CFAP57: variants seen among roughly 807,000 people sequenced by gnomAD.
CFAP57 encodes cilia- and flagella-associated protein 57.
Under a neutral mutation model 146.8 loss-of-function variants are expected in CFAP57, and 116 were observed. That is an observed-to-expected ratio of 0.79 (90% CI 0.68 to 0.92). The LOEUF (loss-of-function observed/expected upper bound fraction) is 0.92. Ranked by LOEUF, CFAP57 falls within the 40% of genes least tolerant of loss-of-function variation. The pLI, the probability that CFAP57 is intolerant of heterozygous loss-of-function variation, is 0.00. For missense variants in CFAP57, 1,377 were observed against 1,527.2 expected (o/e 0.90, Z 1.64); for synonymous variants, 518 against 552.8 (o/e 0.94, Z 0.88).
intron 9 of CFAP57, among the ~76,000 whole-genome samples, chr1:43,202,504 C>T (rs1015037567): frequency 7.9e-5 from 12 of 152,118 alleles, no homozygotes; most frequent in African/African-American, 1.2e-4. Flanking sequence ...GAAAGGGGTC[C>T]GGGCGCAGTC....
chr1:43,177,443 C>T (rs1645215886), intron 2 of CFAP57, among the ~76,000 whole-genome samples: 3 of 152,026 alleles, frequency 2.0e-5, no homozygotes, highest in Admixed American at 2.0e-4. Flanking sequence ...GATGTGCCTG[C>T]TAGATATTTT....
intron 12 of CFAP57, 86 bp downstream of exon 12, chr1:43,215,502 G>A: frequency 1.4e-6 from 2 of 1,477,902 alleles, no homozygotes; most frequent in Non-Finnish European, 1.8e-6. Context: ...GCCCTCTACA[G>A]CCTGGCTACA....
At chr1:43,200,277 G>C (rs1389350603) in intron 9 of CFAP57, among the ~76,000 whole-genome samples, 2 of 152,086 alleles carry the variant, frequency 1.3e-5, no homozygotes, top group African/African-American at 4.8e-5. Flanking sequence ...CTTGCACTCA[G>C]GAGTTCGAGA....
At chr1:43,232,729 T>C in intron 19 of CFAP57, 105 bp downstream of exon 19, 5 of 731,078 alleles carry the variant, frequency 6.8e-6, no homozygotes, top group East Asian at 5.6e-5. Context: ...TGCGAGGATA[T>C]GTTTCCCATT....
intron 3 of CFAP57, 24 bp downstream of exon 3, chr1:43,181,874 C>G: frequency 1.2e-6 from 2 of 1,610,502 alleles, no homozygotes; most frequent in Non-Finnish European, 1.7e-6. Flanking sequence ...TGACAAGTAT[C>G]GTGAAAATTA....
At chr1:43,217,443 A>G (rs982265634) in intron 12 of CFAP57, among the ~76,000 whole-genome samples, 2 of 152,080 alleles carry the variant, frequency 1.3e-5, no homozygotes, top group African/African-American at 2.4e-5. Context: ...GGGATCATTG[A>G]TAAGTATTCA....
At chr1:43,200,922 G>A (rs1179771949) in intron 9 of CFAP57, among the ~76,000 whole-genome samples, 1 of 152,228 alleles carries the variant, frequency 6.6e-6, no homozygotes, top group Non-Finnish European at 1.5e-5. Context: ...ATTGAGGAAG[G>A]ATTAGAGTGG....
chr1:43,189,130 G>A (rs189522054), intron 6 of CFAP57, among the ~76,000 whole-genome samples: 8 of 152,328 alleles, frequency 5.3e-5, no homozygotes, highest in Admixed American at 5.2e-4. Flanking sequence ...GTACCACACT[G>A]TCTTGATTAC....
rs1470583714 is a variant in CFAP57 at position 43,232,540 on chromosome 1, G to C, written c.3042G>C (p.Gln1014His). Residue 1014 changes from glutamine to histidine, a missense_variant, in exon 19 of 23, where the codon CAG (glutamine) becomes CAC (histidine). Transcript: ENST00000372492. ...MEAELENFHK[Q>H]NTQLELNITE... is the part of the protein sequence containing the mutation. The stretch of plus-strand genomic sequence containing the variant: ...CTGAACTGGAGAATTTCCATAAGCA[G>C]AACACTCAACTGGAGCTGAACATCA... 2.6e-6 allele frequency: 4 copies of C among 1,550,158 alleles called. No individual in the cohort carries two copies. In the African/African-American group the frequency reaches 5.5e-5, roughly 21 times the overall value.
At chr1:43,234,237 A>G (rs1645593243) in intron 19 of CFAP57, 42 bp from the exon 20 acceptor site, 1 of 1,488,582 alleles carries the variant, frequency 6.7e-7, no homozygotes, top group Non-Finnish European at 9.0e-7. Flanking sequence ...CCCTCCACCG[A>G]GAGCACCCTA....
intron 11 of CFAP57, 93 bp downstream of exon 11, chr1:43,210,009 C>T: frequency 1.9e-6 from 3 of 1,613,346 alleles, no homozygotes; most frequent in Non-Finnish European, 2.5e-6. Flanking sequence ...TTTTCTCTCT[C>T]CTTCTTCTCT....
At chr1:43,233,491 A>C (rs1645557559) in intron 19 of CFAP57, among the ~76,000 whole-genome samples, 1 of 151,948 alleles carries the variant, frequency 6.6e-6, no homozygotes. Context: ...TCCGTCTAAA[A>C]AAAAAAAAAA....
Position 43,183,635 on chromosome 1 carries a change from A to C in CFAP57, c.519A>C (p.Gly173=). Residue 173 remains glycine (G), a synonymous_variant, in exon 4 of 23, where the codon GGA becomes GGC. Transcript: ENST00000372492. The part of the protein sequence containing the change: ...PQDNTQVCVT[G]NGMFKLLRFA... ...ATAACACTCAGGTGTGTGTCACTGG[A>C]AATGGGATGTTTAAGCTTCTCCGTT... 1 of 1,614,220 alleles carries C rather than the reference A, an allele frequency of 6.2e-7. No homozygotes were observed. Among genetic ancestry groups the C allele is most frequent in the Non-Finnish European group, 8.5e-7 (1 of 1,180,038 alleles).
rs189902017 is a variant in CFAP57 at position 43,181,475 on chromosome 1, G to A, written c.158-59G>A. The A allele has an allele frequency of 4.3e-4, 681 of 1,599,080 alleles. 3 individuals are homozygous for A. The African/African-American group carries it at 8.0e-3, about 19-fold the overall frequency. On this transcript the variant is annotated intron_variant, in intron 2 of 22. Transcript: ENST00000372492. ...GTGCCCACCACAGTGCCTGGTTCCT[G>A]TTGAACCCTGGTGAAAGTGTGATCT...
intron 7 of CFAP57, 137 bp downstream of exon 7, chr1:43,197,829 C>A: frequency 1.6e-6 from 2 of 1,241,018 alleles, no homozygotes; most frequent in Non-Finnish European, 2.3e-6. Context: ...AAAATCAAGT[C>A]AGTCAACCTA....
In CFAP57 at chr1:43,172,383, G is replaced by A; in HGVS notation, c.-90G>A. Reference sequence around the variant, plus strand: ...CGCTACGGCGTTTGAAAGTGTCCGGGTTGCTTAGGATCCCTACAGGTAGCG... The same window carrying A: ...CGCTACGGCGTTTGAAAGTGTCCGGATTGCTTAGGATCCCTACAGGTAGCG... On this transcript the variant is annotated 5_prime_UTR_variant, in exon 1 of 23. Transcript: ENST00000372492. 1 of 1,551,558 alleles carries A rather than the reference G, an allele frequency of 6.4e-7. No individual in the cohort carries two copies. Among genetic ancestry groups the A allele is most frequent in the Admixed American group, 2.0e-5 (1 of 50,980 alleles).
intron 11 of CFAP57, among the ~76,000 whole-genome samples, chr1:43,213,022 C>T (rs761042523): frequency 3.7e-4 from 56 of 152,080 alleles, no homozygotes; most frequent in Non-Finnish European, 5.7e-4. Flanking sequence ...CTCTCTTTAG[C>T]ACCCCACCAA....
intron 21 of CFAP57, among the ~76,000 whole-genome samples, chr1:43,236,913 C>CCA (rs1553187245): frequency 2.7e-4 from 39 of 146,150 alleles, no homozygotes; most frequent in Non-Finnish European, 4.4e-4. Context: ...CATCCCCCCC[C>CCA]AAAAAAAAAA....
At chr1:43,198,166 T>C (rs1376591257) in intron 7 of CFAP57, among the ~76,000 whole-genome samples, 1 of 152,160 alleles carries the variant, frequency 6.6e-6, no homozygotes, top group Non-Finnish European at 1.5e-5. Context: ...CACCCCCTAC[T>C]GTTTTCTTTG....
Sources: gnomAD v4.1 joint callset for allele counts (sites outside exome capture counted in the v4.1 genomes callset) on GRCh38, gnomAD v4.1.1 for gene constraint, MANE v1.5 for transcripts, NCBI Gene and HGNC (gene_info 2026-07-23, HGNC 2026-07-21) for gene names.